Variants in NFATC2 observed in about 807,000 individuals in gnomAD.
The protein encoded by NFATC2 is nuclear factor of activated T-cells, cytoplasmic 2.
NFATC2 carries 22 observed loss-of-function variants against 87.3 expected under a neutral mutation model. The ratio of observed to expected loss-of-function variants is 0.25; its 90% CI spans 0.18 to 0.36. NFATC2 has a LOEUF of 0.36. Ranked by LOEUF, NFATC2 falls within the 10% of genes least tolerant of loss-of-function variation. The pLI is 1.00. For synonymous variants in NFATC2, 565 were observed against 542.2 expected (o/e 1.04, Z -0.58); for missense variants, 1,149 against 1,259.1 (o/e 0.91, Z 1.32).
intron 5 of NFATC2, among the ~76,000 whole-genome samples, chr20:51,460,488 C>T (rs576593812): frequency 6.6e-6 from 1 of 152,242 alleles, no homozygotes; most frequent in East Asian, 1.9e-4. Flanking sequence ...AAAGCTGTAG[C>T]TTCTGAGAGG....
chr20:51,425,083 G>A (rs1352877430), intron 9 of NFATC2, among the ~76,000 whole-genome samples: 3 of 152,092 alleles, frequency 2.0e-5, no homozygotes, highest in Non-Finnish European at 2.9e-5. Flanking sequence ...CTGGCTGGGG[G>A]TGGGGGGTTG....
chr20:51,428,113 G>T (rs1212235112), intron 9 of NFATC2, among the ~76,000 whole-genome samples: 2 of 152,116 alleles, frequency 1.3e-5, no homozygotes, highest in Non-Finnish European at 2.9e-5. Flanking sequence ...AGGGAAGAAG[G>T]AAGGGTTAAG....
At chr20:51,401,025 C>G (rs1305894152) in intron 9 of NFATC2, among the ~76,000 whole-genome samples, 1 of 152,042 alleles carries the variant, frequency 6.6e-6, no homozygotes, top group Non-Finnish European at 1.5e-5. Flanking sequence ...GTCTCCCCAG[C>G]CACGAGATGG....
At chr20:51,420,951 T>C (rs1413013795) in intron 9 of NFATC2, among the ~76,000 whole-genome samples, 1 of 151,998 alleles carries the variant, frequency 6.6e-6, no homozygotes, top group East Asian at 1.9e-4. Context: ...GTCCCAGCTA[T>C]GCTGGAGGCT....
At chr20:51,426,625 A>C (rs1301710859) in intron 9 of NFATC2, among the ~76,000 whole-genome samples, 1 of 152,242 alleles carries the variant, frequency 6.6e-6, no homozygotes, top group East Asian at 1.9e-4. Flanking sequence ...TGAAGGCACA[A>C]GGCAGCAAGT....
At chr20:51,400,778 A>G (rs1266312493) in intron 9 of NFATC2, among the ~76,000 whole-genome samples, 1 of 151,974 alleles carries the variant, frequency 6.6e-6, no homozygotes, top group Non-Finnish European at 1.5e-5. Flanking sequence ...GGTGGTGGTG[A>G]GAGTTCCATT....
At chr20:51,511,549 C>T (rs1027770798) in intron 3 of NFATC2, among the ~76,000 whole-genome samples, 1 of 152,242 alleles carries the variant, frequency 6.6e-6, no homozygotes, top group African/African-American at 2.4e-5. Context: ...CCAAAGAGAA[C>T]TTGCAATCTT....
chr20:51,403,926 C>T (rs964657566), intron 9 of NFATC2, among the ~76,000 whole-genome samples: 7 of 152,190 alleles, frequency 4.6e-5, no homozygotes, highest in Non-Finnish European at 8.8e-5. Flanking sequence ...TCCAAAGTCT[C>T]GGTCTATGCT....
Position 51,446,790 on chromosome 20 carries a change from G to C in NFATC2, c.1849+7758C>G, listed in dbSNP as rs554092241. Among the ~76,000 whole-genome samples the C allele has an allele frequency of 2.0e-5, 3 of 152,350 alleles. No homozygotes were observed. The East Asian group carries it at 5.8e-4, about 29-fold the overall frequency. On this transcript the variant is annotated intron_variant, in intron 6 of 10. Coordinates refer to ENST00000371564, the MANE Select transcript of NFATC2 (RefSeq NM_012340.5). ...CTTTGGAGAGCAGCTTCGTGTCCCAGCAAAGCTGTGGGTAAGTGATGGGCT... is the reference window on the plus strand; with the variant it reads ...CTTTGGAGAGCAGCTTCGTGTCCCACCAAAGCTGTGGGTAAGTGATGGGCT...
intron 5 of NFATC2, among the ~76,000 whole-genome samples, chr20:51,465,496 G>A (rs558225176): frequency 3.9e-5 from 6 of 152,030 alleles, no homozygotes; most frequent in African/African-American, 9.6e-5. Context: ...CCTCACCTCC[G>A]ACCCCTCACC....
intron 5 of NFATC2, among the ~76,000 whole-genome samples, chr20:51,467,084 A>T (rs1298953273): frequency 6.6e-6 from 1 of 151,946 alleles, no homozygotes; most frequent in Non-Finnish European, 1.5e-5. Flanking sequence ...AAAAAAAAAA[A>T]AAAAAAGACA....
intron 5 of NFATC2, among the ~76,000 whole-genome samples, chr20:51,458,450 C>A (rs1000774706): frequency 1.3e-5 from 2 of 151,700 alleles, no homozygotes; most frequent in East Asian, 1.9e-4. Context: ...TCTAGAGATT[C>A]TGACTTAAAT....
intron 3 of NFATC2, among the ~76,000 whole-genome samples, chr20:51,499,063 AG>A (rs1349506091): frequency 6.6e-6 from 1 of 152,152 alleles, no homozygotes. Context: ...AGAGGCAGGC[AG>A]GGACCGGGTG....
intron 5 of NFATC2, among the ~76,000 whole-genome samples, chr20:51,470,301 G>A (rs563426664): frequency 4.6e-5 from 7 of 152,240 alleles, no homozygotes; most frequent in Middle Eastern, 3.4e-3. Flanking sequence ...AGGAGCAGTC[G>A]GGGAAGCTGG....
intron 1 of NFATC2, among the ~76,000 whole-genome samples, chr20:51,554,442 C>T (rs568540630): frequency 4.6e-5 from 7 of 152,242 alleles, no homozygotes; most frequent in Admixed American, 1.3e-4. Flanking sequence ...ACAGAAAAGA[C>T]CCCAGAGGCT....
intron 1 of NFATC2, among the ~76,000 whole-genome samples, chr20:51,559,353 T>C (rs915348812): frequency 3.3e-5 from 5 of 152,238 alleles, no homozygotes; most frequent in Non-Finnish European, 7.3e-5. Context: ...TCTCTTTCCC[T>C]TCCAGCATAT....
At chr20:51,449,847 T>C (rs533816838) in intron 6 of NFATC2, among the ~76,000 whole-genome samples, 2 of 152,252 alleles carry the variant, frequency 1.3e-5, no homozygotes, top group African/African-American at 4.8e-5. Flanking sequence ...AGTTAGCACA[T>C]ACAAAGTGCT....
At chr20:51,442,572 ATATGG>A (rs1314845893) in intron 6 of NFATC2, among the ~76,000 whole-genome samples, 1 of 152,232 alleles carries the variant, frequency 6.6e-6, no homozygotes, top group Non-Finnish European at 1.5e-5. Flanking sequence ...CAAGCTACTC[ATATGG>A]TTGTACCTCC....
intron 1 of NFATC2, among the ~76,000 whole-genome samples, chr20:51,528,805 C>A (rs142437759): frequency 1.3e-5 from 2 of 152,344 alleles, no homozygotes; most frequent in African/African-American, 4.8e-5. Flanking sequence ...TGCTCCGCCA[C>A]TAAGTAGCAG....
Sources: gnomAD v4.1 joint callset for allele counts (sites outside exome capture counted in the v4.1 genomes callset) on GRCh38, gnomAD v4.1.1 for gene constraint, MANE v1.5 for transcripts, NCBI Gene and HGNC (gene_info 2026-07-23, HGNC 2026-07-21) for gene names.